USP19: variants seen among roughly 807,000 people sequenced by gnomAD.
USP19 encodes the protein ubiquitin carboxyl-terminal hydrolase 19.
A neutral mutation model predicts 144.8 loss-of-function variants in USP19; 40 were observed. The ratio of observed to expected loss-of-function variants is 0.28; its 90% CI spans 0.21 to 0.36. USP19 has a LOEUF of 0.36. Among genes scored for constraint, USP19 ranks in the 10% least tolerant of loss-of-function variants. The pLI is 1.00. For missense variants in USP19, 1,518 were observed against 1,822.5 expected (o/e 0.83, Z 3.04); for synonymous variants, 701 against 709.3 (o/e 0.99, Z 0.19).
At position 49,108,778 on chromosome 3, in the gene USP19, A is replaced by G; in HGVS notation, c.4039-250T>C. Reference sequence around the variant, plus strand: ...TCAGAGCAGCAGGATGAATGGACAGACAGCCAGATGGATACACACCCTAGG... The same window carrying G: ...TCAGAGCAGCAGGATGAATGGACAGGCAGCCAGATGGATACACACCCTAGG... On this transcript the variant is annotated intron_variant, in intron 26 of 26. Transcript: ENST00000417901. This position sits in a 1 kb window ranked among gnomAD's most constrained non-coding sequence, Gnocchi z 4.8. 1 of 1,409,742 alleles carries G rather than the reference A, an allele frequency of 7.1e-7. No individual in the cohort carries two copies. Among genetic ancestry groups the G allele is most frequent in the Non-Finnish European group, 9.2e-7 (1 of 1,085,954 alleles). The allele number at this position is 1,409,742 out of a possible 1,614,324, so 87.3% of individuals were successfully genotyped here.
intron 1 of USP19, 98 bp from the exon 2 acceptor site, chr3:49,119,379 T>C (rs1560052681): frequency 2.0e-6 from 1 of 494,256 alleles, no homozygotes; most frequent in East Asian, 3.4e-5. Context: ...GCTACAGAGC[T>C]GTATCTTCTC....
Position 49,117,352 on chromosome 3 carries a change from G to A in USP19, c.616C>T (p.Leu206=), listed in dbSNP as rs1426637012. 2.5e-6 allele frequency: 4 copies of A among 1,595,426 alleles called. No homozygotes were observed. The highest frequency in any genetic ancestry group is 3.4e-5 in the Admixed American group (2 of 58,662). Reference sequence around the variant, plus strand: ...CCCGGCACCAGCTCCTGGGTCCCTAGAGGTTTCTTCTGCCAAAGATACAGC... The same window carrying A: ...CCCGGCACCAGCTCCTGGGTCCCTAAAGGTTTCTTCTGCCAAAGATACAGC... The part of the protein sequence containing the change: ...LTWPSLLKKP[L]GTQELVPGLR... The change falls in exon 6 of 27, where the codon CTA becomes TTA. Residue 206 remains leucine (L), a synonymous_variant. Coordinates refer to ENST00000417901, the MANE Select transcript of USP19 (RefSeq NM_001199161.2). This position sits in a 1 kb window ranked among gnomAD's most constrained non-coding sequence, Gnocchi z 4.4.
chr3:49,108,596 GGCTT>G lies in USP19; in HGVS notation c.4039-72_4039-69del. 7.9e-7 allele frequency: 1 copy of G among 1,262,088 alleles called. No individual in the cohort carries two copies. Among genetic ancestry groups the G allele is most frequent in the South Asian group, 2.7e-5 (1 of 37,284 alleles). 78.2% of individuals were successfully genotyped at this position (1,262,088 alleles called of 1,614,324 possible). On this transcript the variant is annotated intron_variant, in intron 26 of 26. Coordinates refer to ENST00000417901, the MANE Select transcript of USP19 (RefSeq NM_001199161.2). This position sits in a 1 kb window ranked among gnomAD's most constrained non-coding sequence, Gnocchi z 4.8. ...TGCCGCCTGGCATCCCGGGGGTGCT[GGCTT>G]GGAGCCCTGGCACCCAAGGGAGGGT...
rs1268124013 is a variant in USP19, at chr3:49,117,917, C to G, written c.298+30G>C. The G allele has an allele frequency of 6.2e-7, 1 of 1,612,756 alleles. No homozygotes were observed. Among genetic ancestry groups the G allele is most frequent in the Non-Finnish European group, 8.5e-7 (1 of 1,179,706 alleles). ...AATTGCAAGTGCCCCCTCCCCTTCC[C>G]TAGCAACAAAAAGCCCATTCGTTAC... On this transcript the variant is annotated intron_variant, in intron 3 of 26. Coordinates refer to ENST00000417901, the MANE Select transcript of USP19 (RefSeq NM_001199161.2). The surrounding 1 kb of genome is among the most constrained non-coding windows in gnomAD (Gnocchi z 4.4).
chr3:49,117,417 C>A lies in USP19; in HGVS notation c.606+20G>T. Reference sequence around the variant, plus strand: ...GACTACACTGGTATCCCTACCCAACCCTGTACTACTAGAACTCACCAGGAG... The same window carrying A: ...GACTACACTGGTATCCCTACCCAACACTGTACTACTAGAACTCACCAGGAG... On this transcript the variant is annotated intron_variant, in intron 5 of 26. Coordinates refer to ENST00000417901, the MANE Select transcript of USP19 (RefSeq NM_001199161.2). The surrounding 1 kb of genome is among the most constrained non-coding windows in gnomAD (Gnocchi z 4.4). 1.2e-6 allele frequency: 2 copies of A among 1,613,858 alleles called. No homozygotes were observed. The highest frequency in any genetic ancestry group is 3.3e-5 in the Admixed American group (2 of 60,024).
Position 49,117,696 on chromosome 3 carries a change from C to T in USP19, c.433G>A (p.Ala145Thr). 2 of 1,614,232 alleles carry T rather than the reference C, an allele frequency of 1.2e-6. 1 individual carries two copies. The highest frequency in any genetic ancestry group is 3.3e-4 in the Middle Eastern group (2 of 6,062). The change falls in exon 4 of 27, where the codon GCT becomes ACT. Residue 145 changes from alanine (A) to threonine (T), a missense_variant. By Grantham distance (58) the Ala-to-Thr change is moderately conservative. Transcript: ENST00000417901. This position sits in a 1 kb window ranked among gnomAD's most constrained non-coding sequence, Gnocchi z 4.4. ...VGPLQLEDVD[A>T]AFTDTDCVVR... ...ACACAGTCTGTATCTGTGAAAGCAG[C>T]ATCTACATCCTCCAGCTGCAGGGGA...
rs750599699 is a variant in USP19 at position 49,114,700 on chromosome 3, C to T, written c.2292+63G>A. 15 of 1,563,360 alleles carry T rather than the reference C, an allele frequency of 9.6e-6. No homozygotes were observed. The highest frequency in any genetic ancestry group is 1.3e-5 in the Non-Finnish European group (15 of 1,136,814). On this transcript the variant is annotated intron_variant, in intron 15 of 26. Coordinates refer to ENST00000417901, the MANE Select transcript of USP19 (RefSeq NM_001199161.2). This position sits in a 1 kb window ranked among gnomAD's most constrained non-coding sequence, Gnocchi z 4.5. ...ACCTTAAGATGCACATGCCTCTGAA[C>T]CTAATGTGACCAGAATAGCTGAGCT...
rs765578992 is a variant in USP19, at chr3:49,114,948, C to T, written c.2181+11G>A. ...CATGAGACATGCCCACCCTCTGTCC[C>T]TAACCCTGACCTCATCGGGCCGCCC... On this transcript the variant is annotated intron_variant, in intron 14 of 26. Coordinates refer to ENST00000417901, the MANE Select transcript of USP19 (RefSeq NM_001199161.2). The surrounding 1 kb of genome is among the most constrained non-coding windows in gnomAD (Gnocchi z 4.5). 1.9e-6 allele frequency: 3 copies of T among 1,614,216 alleles called. No homozygotes were observed. In the East Asian group the frequency reaches 6.7e-5, roughly 36 times the overall value.
rs1025943838 is a variant in USP19 at position 49,112,516 on chromosome 3, C to G, written c.2619G>C (p.Glu873Asp). 29 of 1,613,858 alleles carry G rather than the reference C, an allele frequency of 1.8e-5. No homozygotes were observed. In the Admixed American group the frequency reaches 2.2e-4, roughly 12 times the overall value. Residue 873 changes from glutamate to aspartate, a missense_variant, in exon 18 of 27, where the codon GAG becomes GAC. Physicochemically the swap from Glu to Asp is conservative, Grantham distance 45. Transcript: ENST00000417901. The surrounding 1 kb of genome is among the most constrained non-coding windows in gnomAD (Gnocchi z 4.9). ...GTTGCACCTCTAGCACCACTACCCG[C>G]TCCTTAGCCAACTCTGAGGATAGCA... The part of the protein sequence containing the change: ...FELLSSELAK[E>D]RVVVLEVQQR...
At chr3:49,109,195 G>A in intron 26 of USP19, 1 of 1,462,142 alleles carries the variant, frequency 6.8e-7, no homozygotes, top group Non-Finnish European at 9.0e-7. Context: ...CCTAGGGTAT[G>A]TGGAAACGGC....
Position 49,117,490 on chromosome 3 carries a change from G to T in USP19, c.553C>A (p.Leu185Met), listed in dbSNP as rs374476744. ...ACCTTTTTGGGCAGTGTCAGGTGCA[G>T]GAGACTGCCCTTGCGGGTTTGCACT... Reference protein sequence around the residue: ...AKVQTRKGSLLHLTLPKKVPM... With the variant: ...AKVQTRKGSLMHLTLPKKVPM... The change falls in exon 5 of 27, where the codon CTG becomes ATG. Residue 185 changes from leucine (L) to methionine (M), a missense_variant. This residue lies in a region of USP19 where 707 missense variants were observed against 728.9 expected (regional missense o/e 0.97). Transcript: ENST00000417901. This position sits in a 1 kb window ranked among gnomAD's most constrained non-coding sequence, Gnocchi z 4.4. 6.2e-7 allele frequency: 1 copy of T among 1,614,158 alleles called. No individual in the cohort carries two copies. The highest frequency in any genetic ancestry group is 8.5e-7 in the Non-Finnish European group (1 of 1,180,046).
Position 49,116,319 on chromosome 3 carries a change from C to T in USP19, c.1316G>A (p.Cys439Tyr). 2 of 1,614,024 alleles carry T rather than the reference C, an allele frequency of 1.2e-6. No individual in the cohort carries two copies. The highest frequency in any genetic ancestry group is 1.7e-6 in the Non-Finnish European group (2 of 1,180,024). The stretch of plus-strand genomic sequence containing the variant: ...CCAACGGAAGGTGGTGTGGGGCCCA[C>T]AGCCCGGGTGCAGCCTCAGGAAGTT... ...DGNFLRLHPG[C>Y]GPHTTFRWQV... Residue 439 changes from cysteine to tyrosine, a missense_variant, in exon 9 of 27, where the codon TGT becomes TAT. Coordinates refer to ENST00000417901, the MANE Select transcript of USP19 (RefSeq NM_001199161.2). This position sits in a 1 kb window ranked among gnomAD's most constrained non-coding sequence, Gnocchi z 5.0.
rs781735798 is a variant in USP19 at position 49,110,410 on chromosome 3, T to C, written c.3859+34A>G. Reference sequence around the variant, plus strand: ...TGAACAAAGTCTGCACCACCACCCCTACCACCTATCCTGCTGGCTGTGTGT... The same window carrying C: ...TGAACAAAGTCTGCACCACCACCCCCACCACCTATCCTGCTGGCTGTGTGT... On this transcript the variant is annotated intron_variant, in intron 25 of 26. Coordinates refer to ENST00000417901, the MANE Select transcript of USP19 (RefSeq NM_001199161.2). The surrounding 1 kb of genome is among the most constrained non-coding windows in gnomAD (Gnocchi z 6.1). The C allele has an allele frequency of 1.4e-5, 22 of 1,609,348 alleles. No homozygotes were observed. The South Asian group carries it at 2.4e-4, about 18-fold the overall frequency.
rs1319398128 is a variant in USP19 at position 49,117,641 on chromosome 3, G to A, written c.472+16C>T. On this transcript the variant is annotated intron_variant, in intron 4 of 26. Coordinates refer to ENST00000417901, the MANE Select transcript of USP19 (RefSeq NM_001199161.2). The surrounding 1 kb of genome is among the most constrained non-coding windows in gnomAD (Gnocchi z 4.4). ...AGATTCAAACATACTACTGTGCTCA[G>A]GGCAGATGGACACACCTGCAAACCG... 3 of 1,614,032 alleles carry A rather than the reference G, an allele frequency of 1.9e-6. No homozygotes were observed. The highest frequency in any genetic ancestry group is 2.7e-5 in the African/African-American group (2 of 74,902).
Position 49,114,154 on chromosome 3 carries a change from G to A in USP19, c.2403+20C>T. 2.5e-6 allele frequency: 4 copies of A among 1,614,058 alleles called. No homozygotes were observed. The highest frequency in any genetic ancestry group is 4.5e-5 in the East Asian group (2 of 44,878). On this transcript the variant is annotated intron_variant, in intron 16 of 26. Coordinates refer to ENST00000417901, the MANE Select transcript of USP19 (RefSeq NM_001199161.2). This position sits in a 1 kb window ranked among gnomAD's most constrained non-coding sequence, Gnocchi z 4.5. ...CCACGTTCTCTAGAACAGCCCAGAG[G>A]GTAGGGGCTTACTCCTCACCTTGAT...
Position 49,110,725 on chromosome 3 carries a change from C to T in USP19, c.3684G>A (p.Val1228=). The change falls in exon 24 of 27, where the codon GTG becomes GTA. Residue 1228 remains valine (V), a synonymous_variant. Coordinates refer to ENST00000417901, the MANE Select transcript of USP19 (RefSeq NM_001199161.2). The surrounding 1 kb of genome is among the most constrained non-coding windows in gnomAD (Gnocchi z 6.1). ...FIWRDKINDL[V]EFPVRNLDLS... Reference sequence around the variant, plus strand: ...CCACTGCTTACCTAACAGGGAACTCCACCAAGTCATTGATCTTGTCACGCC... The same window carrying T: ...CCACTGCTTACCTAACAGGGAACTCTACCAAGTCATTGATCTTGTCACGCC... 6.2e-7 allele frequency: 1 copy of T among 1,614,030 alleles called. No homozygotes were observed. The highest frequency in any genetic ancestry group is 8.5e-7 in the Non-Finnish European group (1 of 1,180,018).
rs759149268 is a variant in USP19 at position 49,112,026 on chromosome 3, G to C, written c.2788C>G (p.Pro930Ala). ...CNQLCQKTHW[P>A]DHKGLCRPEN... The stretch of plus-strand genomic sequence containing the variant: ...GGTCGGCAGAGGCCCTTGTGGTCAG[G>C]CCAGTGGGTTTTCTGGCAGAGCCTG... The change falls in exon 20 of 27, where the codon CCT becomes GCT. Residue 930 changes from proline (P) to alanine (A), a missense_variant. Coordinates refer to ENST00000417901, the MANE Select transcript of USP19 (RefSeq NM_001199161.2). The surrounding 1 kb of genome is among the most constrained non-coding windows in gnomAD (Gnocchi z 4.9). 173 of 1,613,976 alleles carry C rather than the reference G, an allele frequency of 1.1e-4. No homozygotes were observed. The highest frequency in any genetic ancestry group is 1.4e-4 in the Non-Finnish European group (169 of 1,180,026).
At chr3:49,113,423 T>C (rs1443939784) in intron 17 of USP19, among the ~76,000 whole-genome samples, 5 of 151,352 alleles carry the variant, frequency 3.3e-5, no homozygotes, top group Non-Finnish European at 7.4e-5. Context: ...ACTACAGACA[T>C]GTGCCACCAC....
intron 26 of USP19, among the ~76,000 whole-genome samples, chr3:49,109,344 C>T (rs1419114846): frequency 6.6e-6 from 1 of 151,770 alleles, no homozygotes; most frequent in Non-Finnish European, 1.5e-5. Context: ...AACCTCAGGG[C>T]TGTCCAGAGT....
Sources: gnomAD v4.1 joint callset for allele counts (sites outside exome capture counted in the v4.1 genomes callset) on GRCh38, gnomAD v4.1.1 for gene constraint, gnomAD v4.1.1 regional missense constraint, Gnocchi (gnomAD v3.1) non-coding constraint, MANE v1.5 for transcripts, NCBI Gene and HGNC (gene_info 2026-07-23, HGNC 2026-07-21) for gene names.